NOP53: variants seen among roughly 807,000 people sequenced by gnomAD.
NOP53 encodes NOP53 ribosome biogenesis factor, also known as ribosome biogenesis protein NOP53.
NOP53 carries 40 observed loss-of-function variants against 61.0 expected under a neutral mutation model. That is an observed-to-expected ratio of 0.66 (90% CI 0.51 to 0.85). The LOEUF (loss-of-function observed/expected upper bound fraction) is 0.85. Among genes scored for constraint, NOP53 ranks in the 40% least tolerant of loss-of-function variants. The pLI, the probability that NOP53 is intolerant of heterozygous loss-of-function variation, is 0.00. For missense variants in NOP53, 689 were observed against 652.9 expected (o/e 1.06, Z -0.60); for synonymous variants, 308 against 289.5 (o/e 1.06, Z -0.65).
chr19:47,747,119 G>T (rs1967074605), intron 2 of NOP53, 88 bp downstream of exon 2: 2 of 1,036,768 alleles, frequency 1.9e-6, no homozygotes, highest in Non-Finnish European at 2.9e-6. Flanking sequence ...TAATGATGTG[G>T]CTTGGAAGGC....
rs749408034 is a variant in NOP53, at chr19:47,745,566, G to A, written c.7G>A (p.Ala3Thr). 2.5e-5 allele frequency: 41 copies of A among 1,613,336 alleles called. No individual in the cohort carries two copies. The highest frequency in any genetic ancestry group is 8.3e-5 in the Admixed American group (5 of 59,986). MA[A>T]GGSGVGGKRS... is the part of the protein sequence containing the mutation. ...GAGTTCTTCCTTTGACAAGATGGCGGCAGGAGGCAGTGGCGTTGGTGGGAA... is the reference window on the plus strand; with the variant it reads ...GAGTTCTTCCTTTGACAAGATGGCGACAGGAGGCAGTGGCGTTGGTGGGAA... The change falls in exon 1 of 13, where the codon GCA becomes ACA. Residue 3 changes from alanine to threonine, a missense_variant. By Grantham distance (58) the Ala-to-Thr change is moderately conservative (BLOSUM62 0). Transcript: ENST00000246802.
chr19:47,751,814 G>T (rs1248653309), intron 5 of NOP53, among the ~76,000 whole-genome samples: 1 of 152,146 alleles, frequency 6.6e-6, no homozygotes, highest in Non-Finnish European at 1.5e-5. Flanking sequence ...CTAAAATGCA[G>T]ATGAGGGCCG....
chr19:47,753,091 G>A (rs1967144689), intron 6 of NOP53: 1 of 159,122 alleles, frequency 6.3e-6, no homozygotes, highest in Admixed American at 6.1e-5. Flanking sequence ...TCTAGCTGGA[G>A]CCACTGTGCA....
Position 47,755,384 on chromosome 19 carries a change from C to T in NOP53, c.1090C>T (p.Arg364Trp), listed in dbSNP as rs757433960. 40 of 1,525,870 alleles carry T rather than the reference C, an allele frequency of 2.6e-5. No individual in the cohort carries two copies. The highest frequency in any genetic ancestry group is 2.5e-4 in the Admixed American group (12 of 48,498). 94.5% of individuals were successfully genotyped at this position (1,525,870 alleles called of 1,614,324 possible). ...QQAALRAARL[R>W]HQELFRLRGI... ...GGCCGCGTTGCGGGCCGCCCGGCTC[C>T]GGCACCAGGAGCTGTTCCGGCTGCG... Residue 364 changes from arginine (R) to tryptophan (W), a missense_variant, in exon 9 of 13, where the codon CGG becomes TGG. Coordinates refer to ENST00000246802, the MANE Select transcript of NOP53 (RefSeq NM_015710.5).
At chr19:47,752,279 G>A (rs1967133750) in intron 5 of NOP53, among the ~76,000 whole-genome samples, 1 of 152,164 alleles carries the variant, frequency 6.6e-6, no homozygotes, top group Admixed American at 6.5e-5. Context: ...TGGACCCCAA[G>A]TGTTAGAGCC....
At position 47,746,720 on chromosome 19, in the gene NOP53, C is replaced by A; in HGVS notation, c.225-247C>A. On this transcript the variant is annotated intron_variant, in intron 1 of 12. Transcript: ENST00000246802. ...GTTTCACCATGTTGGCCAGGCTGCTCTTGAACTCCTGACCTCAGGTGAGCC... is the reference window on the plus strand; with the variant it reads ...GTTTCACCATGTTGGCCAGGCTGCTATTGAACTCCTGACCTCAGGTGAGCC... The A allele has an allele frequency of 1.1e-5, 4 of 378,534 alleles. No homozygotes were observed. The Middle Eastern group carries it at 3.1e-3, about 294-fold the overall frequency. The allele number at this position is 378,534 out of a possible 1,614,324, so 23.4% of individuals were successfully genotyped here. A position where few individuals can be genotyped will look rare whatever the true frequency, so the allele number is the denominator to read the frequency against.
chr19:47,756,273 G>A (rs1398128218), intron 10 of NOP53: 6 of 566,906 alleles, frequency 1.1e-5, no homozygotes, highest in African/African-American at 1.9e-5. Flanking sequence ...CTTTGCCCTC[G>A]CTGTCCCCTT....
At chr19:47,755,686 A>C in intron 9 of NOP53, 70 bp from the exon 10 acceptor site, 1 of 1,440,198 alleles carries the variant, frequency 6.9e-7, no homozygotes, top group South Asian at 1.2e-5. Context: ...CTTCTCCAGG[A>C]GGGGGCTTTG....
chr19:47,749,186 T>C, intron 2 of NOP53, among the ~76,000 whole-genome samples: 1 of 151,680 alleles, frequency 6.6e-6, no homozygotes, highest in Non-Finnish European at 1.5e-5. Context: ...TGGGGGGTTA[T>C]TAGAGAAGTC....
At position 47,752,321 on chromosome 19, in the gene NOP53, G is replaced by A. The variant is rs375886807; in HGVS notation, c.670-191G>A. 1.5e-3 allele frequency among the ~76,000 whole-genome samples: 222 copies of A among 152,194 alleles called. No homozygotes were observed. In the Middle Eastern group the frequency reaches 0.017, roughly 12 times the overall value. The stretch of plus-strand genomic sequence containing the variant: ...CTTACAATCTCCGGGGCTCAGCCTC[G>A]TGGGTAGCAGAGGATAGGCTGCTAT... On this transcript the variant is annotated intron_variant, in intron 5 of 12. Transcript: ENST00000246802.
intron 10 of NOP53, 129 bp from the exon 11 acceptor site, chr19:47,756,399 G>A: frequency 1.5e-6 from 1 of 667,668 alleles, no homozygotes; most frequent in Non-Finnish European, 2.6e-6. Context: ...GCCAGGCTGA[G>A]TCCCTGGTGC....
At chr19:47,755,152 C>T (rs527782857) in intron 8 of NOP53, among the ~76,000 whole-genome samples, 196 bp from the exon 9 acceptor site, 11 of 152,186 alleles carry the variant, frequency 7.2e-5, no homozygotes, top group South Asian at 4.1e-4. Context: ...GCACCGCAGA[C>T]CAGGGGAGAT....
chr19:47,756,684 C>G lies in NOP53; in HGVS notation c.1374-4C>G, dbSNP rs775322173. ...CACTGATTGCTCCATTGTCCCTGCT[C>G]CAGGTTCAAACGCAAGTACAAGGTG... On this transcript the variant is annotated splice_region_variant and splice_polypyrimidine_tract_variant and intron_variant, in intron 11 of 12. Coordinates refer to ENST00000246802, the MANE Select transcript of NOP53 (RefSeq NM_015710.5). The G allele has an allele frequency of 9.3e-6, 15 of 1,613,786 alleles. No individual in the cohort carries two copies. The African/African-American group carries it at 1.9e-4, about 20-fold the overall frequency.
At chr19:47,746,945 G>A in intron 1 of NOP53, 22 bp from the exon 2 acceptor site, 3 of 1,605,038 alleles carry the variant, frequency 1.9e-6, no homozygotes, top group Non-Finnish European at 2.6e-6. Context: ...TCTGGCTGAT[G>A]TTCTGCATTT....
At chr19:47,747,183 G>T (rs1389860041) in intron 2 of NOP53, 152 bp downstream of exon 2, 2 of 610,502 alleles carry the variant, frequency 3.3e-6, no homozygotes, top group African/African-American at 1.9e-5. Flanking sequence ...CCTCAAATGG[G>T]CAGAAAGCAA....
rs374667177 is a variant in NOP53, at chr19:47,746,627, A to G, written c.225-340A>G. Reference sequence around the variant, plus strand: ...GGTGATCCACCCGCCCCGGCCCCCTAAGGTGCTAAGATTACAGGTGTGAGC... The same window carrying G: ...GGTGATCCACCCGCCCCGGCCCCCTGAGGTGCTAAGATTACAGGTGTGAGC... On this transcript the variant is annotated intron_variant, in intron 1 of 12. Transcript: ENST00000246802. 5.3e-5 allele frequency: 10 copies of G among 187,836 alleles called. No homozygotes were observed. The East Asian group carries it at 9.4e-4, about 18-fold the overall frequency. 11.6% of individuals were successfully genotyped at this position (187,836 alleles called of 1,614,324 possible).
At chr19:47,747,525 C>G (rs1035986334) in intron 2 of NOP53, among the ~76,000 whole-genome samples, 5 of 152,022 alleles carry the variant, frequency 3.3e-5, no homozygotes, top group African/African-American at 7.2e-5. Context: ...ACCTGTAATC[C>G]CAGCTACTTG....
Position 47,745,571 on chromosome 19 carries a change from A to C in NOP53, c.12A>C (p.Gly4=), listed in dbSNP as rs569555970. Residue 4 remains glycine (G), a synonymous_variant, in exon 1 of 13, where the codon GGA becomes GGC. Transcript: ENST00000246802. The part of the protein sequence containing the change: MAA[G]GSGVGGKRSS... ...CTTCCTTTGACAAGATGGCGGCAGG[A>C]GGCAGTGGCGTTGGTGGGAAGCGCA... The C allele has an allele frequency of 6.2e-7, 1 of 1,613,626 alleles. No homozygotes were observed. The highest frequency in any genetic ancestry group is 1.1e-5 in the South Asian group (1 of 91,072).
chr19:47,749,367 G>A (rs891216674), intron 2 of NOP53, among the ~76,000 whole-genome samples: 10 of 152,086 alleles, frequency 6.6e-5, no homozygotes, highest in African/African-American at 2.2e-4. Flanking sequence ...AAGGAAACAC[G>A]GACAAAGATC....
Sources: allele counts gnomAD v4.1 joint callset (sites outside exome capture counted in the v4.1 genomes callset), GRCh38; gene constraint gnomAD v4.1.1; transcripts MANE v1.5; gene names NCBI Gene and HGNC (gene_info 2026-07-23, HGNC 2026-07-21).